Variants in CASP5 observed in about 807,000 individuals in gnomAD.
The protein encoded by CASP5 is caspase-5.
CASP5 carries 42 observed loss-of-function variants against 45.2 expected under a neutral mutation model. The observed-to-expected ratio is 0.93, with a 90% CI of 0.73 to 1.20. The LOEUF is 1.20. CASP5 is among the 50% of genes most tolerant of loss of function. The pLI, the probability that CASP5 is intolerant of heterozygous loss-of-function variation, is 0.00. For missense variants in CASP5, 512 were observed against 532.2 expected (o/e 0.96, Z 0.37); for synonymous variants, 209 against 186.2 (o/e 1.12, Z -1.00).
chr11:105,022,151 A>G (rs1283614354), intron 1 of CASP5, among the ~76,000 whole-genome samples: 3 of 123,676 alleles, frequency 2.4e-5, no homozygotes, highest in Non-Finnish European at 3.2e-5. Flanking sequence ...CACACTCTGG[A>G]GCCTGTTGTG....
At chr11:105,006,213 G>A (rs1170086090) in intron 3 of CASP5, among the ~76,000 whole-genome samples, 2 of 152,132 alleles carry the variant, frequency 1.3e-5, no homozygotes, top group East Asian at 1.9e-4. Flanking sequence ...ACATTTTATA[G>A]TAGTTCCCTG....
intron 5 of CASP5, among the ~76,000 whole-genome samples, chr11:105,001,462 C>G (rs45494899): frequency 0.029 from 4,408 of 152,184 alleles, 196 homozygotes; most frequent in African/African-American, 0.094. Flanking sequence ...GTCAGGAGAT[C>G]GAGACCATCC....
chr11:104,997,392 T>A lies in CASP5; in HGVS notation c.1197A>T (p.Ile399=). 1 of 1,602,360 alleles carries A rather than the reference T, an allele frequency of 6.2e-7. No individual in the cohort carries two copies. Among genetic ancestry groups the A allele is most frequent in the Non-Finnish European group, 8.6e-7 (1 of 1,169,450 alleles). ...GGAAATGGAAGCTTACCTTCCGAAA[T>A]ATTTCCATTAGGTGGCAGCAGCAAG... The part of the protein sequence containing the change: ...KYSCCCHLME[I]FRKVQKSFEV... The change falls in exon 8 of 10, where the codon ATA becomes ATT. Residue 399 remains isoleucine (I), a synonymous_variant. Transcript: ENST00000260315.
intron 1 of CASP5, among the ~76,000 whole-genome samples, chr11:105,009,754 TATATAC>T (rs1862196706): frequency 5.2e-5 from 4 of 76,370 alleles, no homozygotes; most frequent in Admixed American, 1.3e-4. Context: ...TATATATATA[TATATAC>T]ACACACACAC....
Position 105,007,313 on chromosome 11 carries a change from G to GT in CASP5, c.202dup (p.Thr68AsnfsTer3), listed in dbSNP as rs112680102. ...GCCCAGGTATTCCAACATCTTAACT[G>GT]TTTTTTTTTTGTGGTTGTCTTCTGT... On this transcript the variant is annotated frameshift_variant, in exon 3 of 10. Coordinates refer to ENST00000260315, the MANE Select transcript of CASP5 (RefSeq NM_004347.5). LOFTEE classifies it high-confidence loss of function. The GT allele has an allele frequency of 0.03, 30,349 of 1,014,174 alleles. 17 individuals are homozygous for GT. Among genetic ancestry groups the GT allele is most frequent in the African/African-American group, 0.037 (2,235 of 60,094 alleles). 62.8% of individuals were successfully genotyped at this position (1,014,174 alleles called of 1,614,324 possible).
chr11:104,996,446 T>C lies in CASP5; in HGVS notation c.1207-604A>G, dbSNP rs1036251733. Among the ~76,000 whole-genome samples, 3 of 152,296 alleles carry C rather than the reference T, an allele frequency of 2.0e-5. No individual in the cohort carries two copies. The South Asian group carries it at 6.2e-4, about 32-fold the overall frequency. On this transcript the variant is annotated intron_variant, in intron 8 of 9. Coordinates refer to ENST00000260315, the MANE Select transcript of CASP5 (RefSeq NM_004347.5). ...CAGTTCTCTATTCACAGAAACCCCA[T>C]CTCAATTTATGGTACAATCTTCTTT...
intron 1 of CASP5, among the ~76,000 whole-genome samples, chr11:105,009,718 CA>C (rs1862178666): frequency 1.2e-5 from 1 of 83,578 alleles, no homozygotes; most frequent in Non-Finnish European, 2.1e-5. Flanking sequence ...TATATATACA[CA>C]CATATATATA....
At chr11:105,004,301 T>C (rs935945635) in intron 3 of CASP5, among the ~76,000 whole-genome samples, 2 of 152,102 alleles carry the variant, frequency 1.3e-5, no homozygotes, top group African/African-American at 4.8e-5. Context: ...AACTCATATT[T>C]TATAATGTGA....
intron 1 of CASP5, among the ~76,000 whole-genome samples, chr11:105,022,541 C>A (rs1863024513): frequency 6.6e-6 from 1 of 152,022 alleles, no homozygotes; most frequent in African/African-American, 2.4e-5. Context: ...AAGTAGTGTG[C>A]AGTATGGACT....
chr11:105,005,071 A>G (rs1334775073), intron 3 of CASP5, among the ~76,000 whole-genome samples: 2 of 152,168 alleles, frequency 1.3e-5, no homozygotes, highest in Non-Finnish European at 1.5e-5. Context: ...TAAATATTAT[A>G]GTGCAGTCTC....
At chr11:105,018,396 T>C (rs548859047) in intron 1 of CASP5, among the ~76,000 whole-genome samples, 2 of 152,236 alleles carry the variant, frequency 1.3e-5, no homozygotes, top group African/African-American at 2.4e-5. Flanking sequence ...CAGTGTGCTG[T>C]ATTCAGGAAA....
chr11:105,022,581 C>T (rs1480455801), intron 1 of CASP5, among the ~76,000 whole-genome samples: 1 of 152,020 alleles, frequency 6.6e-6, no homozygotes, highest in African/African-American at 2.4e-5. Flanking sequence ...AGTGGGAAGA[C>T]AGTTAAAAGT....
intron 4 of CASP5, 80 bp from the exon 5 acceptor site, chr11:105,002,281 T>A: frequency 8.1e-7 from 1 of 1,227,550 alleles, no homozygotes; most frequent in Non-Finnish European, 1.2e-6. Context: ...TTTGCTTTTT[T>A]AAGACCTCAT....
chr11:105,003,478 G>A, intron 3 of CASP5, 95 bp from the exon 4 acceptor site: 2 of 671,138 alleles, frequency 3.0e-6, no homozygotes, highest in South Asian at 3.8e-5. Flanking sequence ...AGAAATCCTA[G>A]GAAAAAGACT....
chr11:105,014,502 T>G (rs1255637774), intron 1 of CASP5, among the ~76,000 whole-genome samples: 1 of 152,192 alleles, frequency 6.6e-6, no homozygotes, highest in African/African-American at 2.4e-5. Flanking sequence ...CTTCTGGCAC[T>G]CAAGGGAAGT....
intron 4 of CASP5, 91 bp downstream of exon 4, chr11:105,003,183 G>C (rs538564702): frequency 8.3e-6 from 7 of 838,922 alleles, no homozygotes; most frequent in South Asian, 4.1e-5. Context: ...CTGGGCAACA[G>C]AGCAAGACCC....
intron 1 of CASP5, among the ~76,000 whole-genome samples, chr11:105,016,965 G>C (rs975827366): frequency 2.0e-4 from 30 of 150,576 alleles, no homozygotes; most frequent in Admixed American, 1.2e-3. Flanking sequence ...ATCTGAGAAC[G>C]GGCAGACTGC....
intron 1 of CASP5, among the ~76,000 whole-genome samples, chr11:105,014,475 A>T (rs775181565): frequency 1.3e-5 from 2 of 152,196 alleles, no homozygotes; most frequent in Non-Finnish European, 2.9e-5. Context: ...AGGTGGCCAT[A>T]AACTAGGCCT....
intron 5 of CASP5, among the ~76,000 whole-genome samples, chr11:105,001,459 G>A (rs578259395): frequency 6.6e-6 from 1 of 152,194 alleles, no homozygotes; most frequent in South Asian, 2.1e-4. Flanking sequence ...GAGGTCAGGA[G>A]ATCGAGACCA....
Sources: allele counts gnomAD v4.1 joint callset (sites outside exome capture counted in the v4.1 genomes callset), GRCh38; gene constraint gnomAD v4.1.1; transcripts MANE v1.5; gene names NCBI Gene and HGNC (gene_info 2026-07-23, HGNC 2026-07-21).